ARHGAP10: variants seen among roughly 807,000 people sequenced by gnomAD.
ARHGAP10 encodes rho GTPase-activating protein 10.
A neutral mutation model predicts 108.6 loss-of-function variants in ARHGAP10; 87 were observed. The observed-to-expected ratio is 0.80, with a 90% CI of 0.67 to 0.96. ARHGAP10 has a LOEUF of 0.96. Ranked by LOEUF, ARHGAP10 falls within the 40% of genes least tolerant of loss-of-function variation. ARHGAP10 has a pLI of 0.00. For missense variants in ARHGAP10, 939 were observed against 954.5 expected (o/e 0.98, Z 0.21); for synonymous variants, 347 against 341.1 (o/e 1.02, Z -0.19).
At chr4:147,942,618 C>T (rs745757688) in intron 14 of ARHGAP10, among the ~76,000 whole-genome samples, 9 of 152,088 alleles carry the variant, frequency 5.9e-5, no homozygotes, top group Non-Finnish European at 1.3e-4. Context: ...CCCTCCTTAT[C>T]CTCTTTATTC....
intron 20 of ARHGAP10, among the ~76,000 whole-genome samples, chr4:148,057,004 T>C (rs1239910560): frequency 6.6e-6 from 1 of 152,184 alleles, no homozygotes; most frequent in Non-Finnish European, 1.5e-5. Flanking sequence ...TCACGTTAGC[T>C]GAGGGAGTTT....
At chr4:147,957,475 G>T (rs1361318716) in intron 16 of ARHGAP10, among the ~76,000 whole-genome samples, 1 of 152,120 alleles carries the variant, frequency 6.6e-6, no homozygotes, top group Non-Finnish European at 1.5e-5. Context: ...GGAAAATCGG[G>T]ATTGTGGTTA....
intron 3 of ARHGAP10, among the ~76,000 whole-genome samples, chr4:147,843,359 C>T (rs1051320647): frequency 1.3e-5 from 2 of 152,178 alleles, no homozygotes; most frequent in African/African-American, 2.4e-5. Flanking sequence ...TACTGCCCCA[C>T]CTGGTCATTC....
intron 18 of ARHGAP10, among the ~76,000 whole-genome samples, chr4:148,007,658 A>T (rs1741003056): frequency 6.6e-6 from 1 of 152,244 alleles, no homozygotes; most frequent in Non-Finnish European, 1.5e-5. Flanking sequence ...AAACTGCTCA[A>T]GCATTGTGTA....
chr4:147,824,093 G>A (rs1055296826), intron 3 of ARHGAP10, among the ~76,000 whole-genome samples: 1 of 152,138 alleles, frequency 6.6e-6, no homozygotes, highest in Non-Finnish European at 1.5e-5. Context: ...GCTGAGGCAG[G>A]CGAGTCACCT....
chr4:147,924,420 C>T (rs1737372482), intron 13 of ARHGAP10, among the ~76,000 whole-genome samples: 2 of 152,144 alleles, frequency 1.3e-5, no homozygotes, highest in Admixed American at 6.5e-5. Context: ...AACGCATCCA[C>T]AGAATAGAAA....
intron 20 of ARHGAP10, among the ~76,000 whole-genome samples, chr4:148,056,622 G>A (rs1252929175): frequency 7.0e-6 from 1 of 142,076 alleles, no homozygotes; most frequent in East Asian, 2.3e-4. Flanking sequence ...AATGAAATTA[G>A]TGTTGATACA....
intron 18 of ARHGAP10, among the ~76,000 whole-genome samples, chr4:147,983,045 A>C (rs1739884315): frequency 6.6e-6 from 1 of 151,240 alleles, no homozygotes; most frequent in Admixed American, 6.6e-5. Flanking sequence ...ATGCACTGCT[A>C]AGTTTTTGCA....
At chr4:147,888,975 T>C (rs1010787707) in intron 10 of ARHGAP10, among the ~76,000 whole-genome samples, 2 of 152,216 alleles carry the variant, frequency 1.3e-5, no homozygotes, top group African/African-American at 4.8e-5. Context: ...GTCTATTAGA[T>C]TATGAATTCC....
rs1353226204 is a variant in ARHGAP10 at position 147,732,196 on chromosome 4, T to C, written c.-106T>C. 19 of 1,186,456 alleles carry C rather than the reference T, an allele frequency of 1.6e-5. No individual in the cohort carries two copies. The highest frequency in any genetic ancestry group is 1.9e-5 in the Non-Finnish European group (17 of 911,102). 73.5% of individuals were successfully genotyped at this position (1,186,456 alleles called of 1,614,324 possible). A position where few individuals can be genotyped will look rare whatever the true frequency, so the allele number is the denominator to read the frequency against. On this transcript the variant is annotated 5_prime_UTR_variant, in exon 1 of 23. Transcript: ENST00000336498. ...TCGCCGCGCGCCCGGGCCTGCTAGC[T>C]CCTCTGTGCTCCCTGAACGCGCGGC...
At chr4:148,013,879 C>T (rs1741255375) in intron 18 of ARHGAP10, among the ~76,000 whole-genome samples, 1 of 152,158 alleles carries the variant, frequency 6.6e-6, no homozygotes, top group African/African-American at 2.4e-5. Context: ...TCAGGGTTCT[C>T]ACTAGCCCAG....
At chr4:147,813,717 C>A (rs1484299453) in intron 1 of ARHGAP10, among the ~76,000 whole-genome samples, 1 of 152,218 alleles carries the variant, frequency 6.6e-6, no homozygotes, top group African/African-American at 2.4e-5. Flanking sequence ...CATAGCTGTA[C>A]TGTGAGTTTT....
chr4:147,803,051 C>T (rs758142010), intron 1 of ARHGAP10, among the ~76,000 whole-genome samples: 4 of 151,952 alleles, frequency 2.6e-5, no homozygotes, highest in African/African-American at 7.3e-5. Context: ...CTCTGTTGCC[C>T]AGGCTGGAGG....
intron 18 of ARHGAP10, among the ~76,000 whole-genome samples, chr4:147,969,820 T>G (rs532189470): frequency 6.6e-6 from 1 of 152,352 alleles, no homozygotes; most frequent in Admixed American, 6.5e-5. Flanking sequence ...CAGAGGTCTT[T>G]CGGTTTTCCT....
intron 1 of ARHGAP10, among the ~76,000 whole-genome samples, chr4:147,748,584 ATGTGATAGCAT>A (rs1403132752): frequency 2.0e-5 from 3 of 152,212 alleles, no homozygotes; most frequent in African/African-American, 7.2e-5. Flanking sequence ...AAACTTTTGG[ATGTGATAGCAT>A]TGATAATGAT....
chr4:147,836,081 A>G lies in ARHGAP10; in HGVS notation c.313-11070A>G, dbSNP rs138909501. On this transcript the variant is annotated intron_variant, in intron 3 of 22. Coordinates refer to ENST00000336498, the MANE Select transcript of ARHGAP10 (RefSeq NM_024605.4). ...CAGGTAGATTGTGTTTGATTTAAAT[A>G]ATCTGAATAAAATTTCTGCTATCTT... Among the ~76,000 whole-genome samples, 3 of 152,320 alleles carry G rather than the reference A, an allele frequency of 2.0e-5. No homozygotes were observed. In the East Asian group the frequency reaches 5.8e-4, roughly 29 times the overall value.
At chr4:148,007,687 G>T (rs955752190) in intron 18 of ARHGAP10, among the ~76,000 whole-genome samples, 1 of 152,164 alleles carries the variant, frequency 6.6e-6, no homozygotes, top group Non-Finnish European at 1.5e-5. Flanking sequence ...AATTCGGAAG[G>T]CTTTTCCCCT....
At chr4:147,872,771 CCTTCATGTGTGT>C (rs1193665612) in intron 7 of ARHGAP10, among the ~76,000 whole-genome samples, 41 of 152,196 alleles carry the variant, frequency 2.7e-4, no homozygotes, top group African/African-American at 8.9e-4. Context: ...ATCATAAAGG[CCTTCATGTGTGT>C]CTTCATAATG....
chr4:147,830,014 C>G (rs1008135116), intron 3 of ARHGAP10, among the ~76,000 whole-genome samples: 1 of 152,206 alleles, frequency 6.6e-6, no homozygotes, highest in Non-Finnish European at 1.5e-5. Context: ...CCGCCTCCCT[C>G]TCATCCTGGG....
Sources: gnomAD v4.1 joint callset for allele counts (sites outside exome capture counted in the v4.1 genomes callset) on GRCh38, gnomAD v4.1.1 for gene constraint, MANE v1.5 for transcripts, NCBI Gene and HGNC (gene_info 2026-07-23, HGNC 2026-07-21) for gene names.